The following CREB3L3 variants were observed in gnomAD, a reference collection of about 807,000 sequenced individuals.
CREB3L3 encodes cyclic AMP-responsive element-binding protein 3-like protein 3.
In CREB3L3, 40 loss-of-function variants were observed where a neutral mutation model predicts 44.6. The ratio of observed to expected loss-of-function variants is 0.90; its 90% CI spans 0.70 to 1.17. The LOEUF is 1.17. Among genes scored for constraint, CREB3L3 ranks in the 50% most tolerant of loss-of-function variants. CREB3L3 has a pLI of 0.00. For missense variants in CREB3L3, 578 were observed against 595.8 expected, an observed-to-expected ratio of 0.97 and a Z score of 0.31; for synonymous variants, 273 against 256.3, an observed-to-expected ratio of 1.06 and a Z score of -0.62.
rs1966971544 is a variant in CREB3L3 at position 4,168,406 on chromosome 19, C to T, written c.770C>T (p.Ala257Val). The T allele has an allele frequency of 1.9e-6, 3 of 1,611,052 alleles. No individual in the cohort carries two copies. The highest frequency in any genetic ancestry group is 1.3e-5 in the African/African-American group (1 of 74,788). ...IRRKIRNKQS[A>V]QESRKKKKEY... is the part of the protein sequence containing the mutation. ...CGGAAAATCCGGAACAAGCAGTCGG[C>T]GCAAGAAAGCAGGAAGAAGAAGAAG... is the stretch of plus-strand genomic sequence containing the variant. Residue 257 changes from alanine to valine, a missense_variant, in exon 6 of 10, where the codon GCG becomes GTG. By Grantham distance (64) the Ala-to-Val change is moderately conservative (BLOSUM62 0). Coordinates refer to ENST00000078445, the MANE Select transcript of CREB3L3 (RefSeq NM_032607.3).
chr19:4,157,798 G>A (rs1031463225), intron 3 of CREB3L3, among the ~76,000 whole-genome samples: 12 of 152,070 alleles, frequency 7.9e-5, no homozygotes. Flanking sequence ...CAATTCACCT[G>A]CCTCAGCCTC....
At chr19:4,164,166 G>A (rs2041696164) in intron 4 of CREB3L3, among the ~76,000 whole-genome samples, 1 of 151,700 alleles carries the variant, frequency 6.6e-6, no homozygotes, top group African/African-American at 2.4e-5. Flanking sequence ...GTAGAGACGG[G>A]GTTTCACCAT....
rs1046893803 is a variant in CREB3L3, at chr19:4,171,013, C to A, written c.891-78C>A. 1.5e-5 allele frequency: 16 copies of A among 1,084,046 alleles called. No individual in the cohort carries two copies. The Middle Eastern group carries it at 1.4e-3, about 94-fold the overall frequency. The allele number at this position is 1,084,046 out of a possible 1,614,324, so 67.2% of individuals were successfully genotyped here. A position where few individuals can be genotyped will look rare whatever the true frequency, so the allele number is the denominator to read the frequency against. ...GGATGGAATTTGGACTTTAGCGGGG[C>A]TGGGGGACCCCGGAAATGGACGAGA... On this transcript the variant is annotated intron_variant, in intron 7 of 9. Coordinates refer to ENST00000078445, the MANE Select transcript of CREB3L3 (RefSeq NM_032607.3). The surrounding 1 kb of genome is among the most constrained non-coding windows in gnomAD (Gnocchi z 4.9).
intron 6 of CREB3L3, among the ~76,000 whole-genome samples, chr19:4,169,797 C>A (rs1223934770): frequency 2.0e-5 from 3 of 151,906 alleles, no homozygotes; most frequent in African/African-American, 7.3e-5. Context: ...CAGGGTTTCA[C>A]CATGTTGGCC....
chr19:4,167,354 G>GAA (rs10669157), intron 5 of CREB3L3, among the ~76,000 whole-genome samples: 46,615 of 129,850 alleles, frequency 0.36, 9,240 homozygotes, highest in Non-Finnish European at 0.46. Context: ...AAGAAAGAAA[G>GAA]AGAGAGAGAG....
At chr19:4,163,997 G>T (rs1264896839) in intron 4 of CREB3L3, among the ~76,000 whole-genome samples, 1 of 132,774 alleles carries the variant, frequency 7.5e-6, no homozygotes, top group Non-Finnish European at 1.6e-5. Flanking sequence ...TTTTTGAGAC[G>T]GAGTCTCATA....
chr19:4,168,270 A>T, intron 5 of CREB3L3, 81 bp from the exon 6 acceptor site: 1 of 1,078,760 alleles, frequency 9.3e-7, no homozygotes, highest in South Asian at 1.2e-5. Flanking sequence ...AAGTGCTGGG[A>T]TTACAGGCGA....
Position 4,171,791 on chromosome 19 carries a change from G to T in CREB3L3, c.1208G>T (p.Trp403Leu), listed in dbSNP as rs776805567. The change falls in exon 10 of 10, where the codon TGG (tryptophan) becomes TTG (leucine). Residue 403 changes from tryptophan (W) to leucine (L), a missense_variant. Trp to Leu is a moderately conservative substitution (Grantham distance 61). Coordinates refer to ENST00000078445, the MANE Select transcript of CREB3L3 (RefSeq NM_032607.3). The surrounding 1 kb of genome is among the most constrained non-coding windows in gnomAD (Gnocchi z 4.9). Reference protein sequence around the residue: ...EESPGSPGADWGFQDTANLTN... With the variant: ...EESPGSPGADLGFQDTANLTN... ...TCTCCAGGAAGCCCCGGGGCAGACT[G>T]GGGCTTCCAGGACACCGCGAACCTG... The T allele has an allele frequency of 4.3e-6, 7 of 1,613,504 alleles. No individual in the cohort carries two copies.
At chr19:4,159,440 C>A (rs866702345) in intron 3 of CREB3L3, among the ~76,000 whole-genome samples, 1 of 150,690 alleles carries the variant, frequency 6.6e-6, no homozygotes, top group Non-Finnish European at 1.5e-5. Context: ...CGTGAGCCAC[C>A]ATGACTGGCT....
Position 4,171,728 on chromosome 19 carries a change from C to G in CREB3L3, c.1145C>G (p.Pro382Arg). The G allele has an allele frequency of 8.1e-6, 13 of 1,613,342 alleles. No homozygotes were observed. The highest frequency in any genetic ancestry group is 1.1e-5 in the Non-Finnish European group (13 of 1,180,018). Residue 382 changes from proline to arginine, a missense_variant, in exon 10 of 10, where the codon CCA becomes CGA. Physicochemically the swap from Pro to Arg is moderately radical, Grantham distance 103 (BLOSUM62 -2). Transcript: ENST00000078445. The surrounding 1 kb of genome is among the most constrained non-coding windows in gnomAD (Gnocchi z 4.9). The stretch of plus-strand genomic sequence containing the variant: ...GATGCTGTGCCAGGCTCCGAGGCCC[C>G]AGGACCCCGACCCGAGGCTGACACA... ...AADAVPGSEA[P>R]GPRPEADTTR...
intron 4 of CREB3L3, among the ~76,000 whole-genome samples, chr19:4,161,129 T>A (rs1370652232): frequency 2.0e-5 from 3 of 151,876 alleles, no homozygotes; most frequent in Non-Finnish European, 4.4e-5. Context: ...TAGCCAGGAT[T>A]TTTTTTGTAT....
At position 4,153,685 on chromosome 19, in the gene CREB3L3, G is replaced by T; in HGVS notation, c.-63G>T. The T allele has an allele frequency of 6.2e-7, 1 of 1,602,214 alleles. No homozygotes were observed. Among genetic ancestry groups the T allele is most frequent in the Non-Finnish European group, 8.5e-7 (1 of 1,170,574 alleles). On this transcript the variant is annotated 5_prime_UTR_variant, in exon 1 of 10. Transcript: ENST00000078445. Reference sequence around the variant, plus strand: ...CCGGCCCCAGGTAACGCTGGCGGTGGGTGGGCCTCCAGCTTGGAGCAGAGA... The same window carrying T: ...CCGGCCCCAGGTAACGCTGGCGGTGTGTGGGCCTCCAGCTTGGAGCAGAGA...
At chr19:4,165,125 C>T (rs1024072155) in intron 5 of CREB3L3, among the ~76,000 whole-genome samples, 2 of 152,052 alleles carry the variant, frequency 1.3e-5, no homozygotes, top group African/African-American at 4.8e-5. Flanking sequence ...TTATCAACAT[C>T]CAGGAATGAA....
intron 3 of CREB3L3, 90 bp downstream of exon 3, chr19:4,157,385 C>A: frequency 7.0e-7 from 1 of 1,433,354 alleles, no homozygotes; most frequent in Non-Finnish European, 9.8e-7. Context: ...AGAGGGCTGG[C>A]ATCTTGTCCA....
In CREB3L3 at chr19:4,171,739, C is replaced by A. The variant is rs1224643072; in HGVS notation, c.1156C>A (p.Pro386Thr). The change falls in exon 10 of 10, where the codon CCC becomes ACC. Residue 386 changes from proline to threonine, a missense_variant. Transcript: ENST00000078445. This position sits in a 1 kb window ranked among gnomAD's most constrained non-coding sequence, Gnocchi z 4.9. ...VPGSEAPGPR[P>T]EADTTREESP... is the part of the protein sequence containing the mutation. Reference sequence around the variant, plus strand: ...AGGCTCCGAGGCCCCAGGACCCCGACCCGAGGCTGACACAACCCGAGAAGA... The same window carrying A: ...AGGCTCCGAGGCCCCAGGACCCCGAACCGAGGCTGACACAACCCGAGAAGA... The A allele has an allele frequency of 6.2e-7, 1 of 1,613,294 alleles. No homozygotes were observed. The highest frequency in any genetic ancestry group is 8.5e-7 in the Non-Finnish European group (1 of 1,180,010).
Position 4,154,996 on chromosome 19 carries a change from T to C in CREB3L3, c.125T>C (p.Leu42Pro). Residue 42 changes from leucine to proline, a missense_variant, in exon 2 of 10, where the codon CTG (leucine) becomes CCG (proline). Transcript: ENST00000078445. ...GACGGCATCCTGAGACACGTGGAGCTGGGCGAGGGCTGGGGTCACGTCAAG... is the reference window on the plus strand; with the variant it reads ...GACGGCATCCTGAGACACGTGGAGCCGGGCGAGGGCTGGGGTCACGTCAAG... Reference protein sequence around the residue: ...RQDGILRHVELGEGWGHVKDQ... With the variant: ...RQDGILRHVEPGEGWGHVKDQ... The C allele has an allele frequency of 3.1e-6, 5 of 1,611,466 alleles. No individual in the cohort carries two copies. The highest frequency in any genetic ancestry group is 4.2e-6 in the Non-Finnish European group (5 of 1,179,978).
chr19:4,155,151 T>G, intron 2 of CREB3L3, 124 bp downstream of exon 2: 1 of 1,187,744 alleles, frequency 8.4e-7, no homozygotes. Flanking sequence ...GATGCACTAA[T>G]GGGTCACGGT....
At chr19:4,155,771 G>A (rs2041564410) in intron 2 of CREB3L3, among the ~76,000 whole-genome samples, 1 of 105,906 alleles carries the variant, frequency 9.4e-6, no homozygotes. Context: ...TTTTGAGATA[G>A]AGTTTCACTC....
In CREB3L3 at chr19:4,172,462, G is replaced by A. The variant is rs533261064; in HGVS notation, c.*493G>A. On this transcript the variant is annotated 3_prime_UTR_variant, in exon 10 of 10. Coordinates refer to ENST00000078445, the MANE Select transcript of CREB3L3 (RefSeq NM_032607.3). ...CCAGACAGACAGACAGACACAGCCT[G>A]AAACAGACCCGGACAGACAGACAGA... 138 of 303,146 alleles carry A rather than the reference G, an allele frequency of 4.6e-4. No homozygotes were observed. The highest frequency in any genetic ancestry group is 3.0e-3 in the African/African-American group (132 of 43,612). The allele number at this position is 303,146 out of a possible 1,614,324, so 18.8% of individuals were successfully genotyped here. A position where few individuals can be genotyped will look rare whatever the true frequency, so the allele number is the denominator to read the frequency against.
Sources: allele counts gnomAD v4.1 joint callset (sites outside exome capture counted in the v4.1 genomes callset), GRCh38; gene constraint gnomAD v4.1.1; non-coding constraint Gnocchi (gnomAD v3.1); transcripts MANE v1.5; gene names NCBI Gene and HGNC (gene_info 2026-07-23, HGNC 2026-07-21).